Variants in LRBA observed in about 807,000 individuals in gnomAD.
LRBA encodes LPS responsive beige-like anchor protein, also known as lipopolysaccharide-responsive and beige-like anchor protein.
A neutral mutation model predicts 330.0 loss-of-function variants in LRBA; 176 were observed. The observed-to-expected ratio is 0.53, with a 90% CI of 0.47 to 0.60. The LOEUF (loss-of-function observed/expected upper bound fraction) is 0.60, where lower values mean the gene tolerates loss of function less well. LRBA is among the 20% of genes least tolerant of loss of function. The probability of loss-of-function intolerance (pLI) is 0.00; values close to 1 mark genes in which losing one functional copy is unlikely to be tolerated. For synonymous variants in LRBA, 1,230 were observed against 1,193.0 expected, an observed-to-expected ratio of 1.03 and a Z score of -0.64; for missense variants, 3,259 against 3,444.8, an observed-to-expected ratio of 0.95 and a Z score of 1.35.
chr4:150,288,922 T>C (rs1748519118), intron 53 of LRBA, among the ~76,000 whole-genome samples: 1 of 152,042 alleles, frequency 6.6e-6, no homozygotes, highest in Admixed American at 6.6e-5. Flanking sequence ...AATGAAGGCA[T>C]TCTAAGTATA....
intron 34 of LRBA, among the ~76,000 whole-genome samples, chr4:150,793,069 A>G (rs1429962615): frequency 6.6e-6 from 1 of 151,766 alleles, no homozygotes; most frequent in Non-Finnish European, 1.5e-5. Flanking sequence ...GACAAGAGCG[A>G]AACTCCATCT....
intron 2 of LRBA, among the ~76,000 whole-genome samples, chr4:150,934,785 A>G (rs1615230): frequency 0.13 from 20,108 of 151,858 alleles, 2,066 homozygotes; most frequent in African/African-American, 0.27. Context: ...GAGGCGGGCA[A>G]ATTACCTGAG....
chr4:150,875,500 G>T (rs1214624608), intron 17 of LRBA, among the ~76,000 whole-genome samples: 2 of 152,182 alleles, frequency 1.3e-5, no homozygotes, highest in East Asian at 3.9e-4. Flanking sequence ...CTAAACAAGG[G>T]TCAAGTATAT....
intron 42 of LRBA, among the ~76,000 whole-genome samples, chr4:150,480,154 C>T (rs1425155264): frequency 6.6e-6 from 1 of 152,024 alleles, no homozygotes; most frequent in East Asian, 1.9e-4. Context: ...TCAATACCTA[C>T]TATGAAAGGA....
intron 37 of LRBA, among the ~76,000 whole-genome samples, chr4:150,600,098 A>G (rs904517925): frequency 2.0e-5 from 3 of 152,112 alleles, no homozygotes; most frequent in African/African-American, 4.8e-5. Context: ...AGCATGCTGG[A>G]AAAATATTTT....
At chr4:150,765,319 C>T (rs1735621236) in intron 34 of LRBA, among the ~76,000 whole-genome samples, 1 of 152,026 alleles carries the variant, frequency 6.6e-6, no homozygotes. Flanking sequence ...CTGCATGAAA[C>T]TATAATGATG....
At chr4:150,480,243 C>A (rs1372222501) in intron 42 of LRBA, among the ~76,000 whole-genome samples, 1 of 152,026 alleles carries the variant, frequency 6.6e-6, no homozygotes, top group African/African-American at 2.4e-5. Context: ...CTCCCAATAC[C>A]CTATACCATG....
In LRBA at chr4:150,264,729, C is replaced by T. The variant is rs1745090322; in HGVS notation, c.*993G>A. 3 of 152,762 alleles carry T rather than the reference C, an allele frequency of 2.0e-5. No homozygotes were observed. The highest frequency in any genetic ancestry group is 7.2e-5 in the African/African-American group (3 of 41,584). The allele number at this position is 152,762 out of a possible 1,614,324, so 9.5% of individuals were successfully genotyped here. ...CAAATATTTTTCACAGAATTCCACA[C>T]AGTAATCTACTAGAAAAGTAGAATT... is the stretch of plus-strand genomic sequence containing the variant. On this transcript the variant is annotated 3_prime_UTR_variant, in exon 57 of 57. Transcript: ENST00000651943.
chr4:150,346,775 A>AAAAACAAAAAAAAAAAAAAC (rs1736400361), intron 48 of LRBA, among the ~76,000 whole-genome samples: 9 of 147,812 alleles, frequency 6.1e-5, no homozygotes, highest in African/African-American at 2.6e-5. Flanking sequence ...AAAAAAAAAA[A>AAAAACAAAAAAAAAAAAAAC]AAAAAAAAAA....
chr4:150,765,498 T>A (rs1029863692), intron 34 of LRBA, among the ~76,000 whole-genome samples: 1 of 151,972 alleles, frequency 6.6e-6, no homozygotes, highest in Non-Finnish European at 1.5e-5. Flanking sequence ...AGGCTATGAG[T>A]GTGTAGGGGA....
chr4:150,491,819 G>C (rs187091233), intron 40 of LRBA, among the ~76,000 whole-genome samples: 210 of 152,196 alleles, frequency 1.4e-3, no homozygotes, highest in African/African-American at 4.8e-3. Context: ...CATTTCAAAA[G>C]CTTAATTGTG....
chr4:150,922,850 A>G (rs1315933495), intron 4 of LRBA, among the ~76,000 whole-genome samples: 1 of 152,184 alleles, frequency 6.6e-6, no homozygotes, highest in Non-Finnish European at 1.5e-5. Flanking sequence ...TAACCACCCT[A>G]TGGGATGGTA....
At chr4:150,616,011 A>G (rs1775740625) in intron 37 of LRBA, among the ~76,000 whole-genome samples, 1 of 152,176 alleles carries the variant, frequency 6.6e-6, no homozygotes, top group Non-Finnish European at 1.5e-5. Flanking sequence ...ACATGTTATA[A>G]AATTTATATG....
chr4:150,730,780 G>A lies in LRBA; in HGVS notation c.5754+4478C>T, dbSNP rs142342795. Among the ~76,000 whole-genome samples, 314 of 152,088 alleles carry A rather than the reference G, an allele frequency of 2.1e-3. 3 individuals carry two copies. The highest frequency in any genetic ancestry group is 7.2e-3 in the African/African-American group (299 of 41,494). On this transcript the variant is annotated intron_variant, in intron 36 of 56. Transcript: ENST00000651943. ...CACCTGTAATCTCAGCACTTTGGGAGGCTGATGAAGGCAGATCACTTGAGG... is the reference window on the plus strand; with the variant it reads ...CACCTGTAATCTCAGCACTTTGGGAAGCTGATGAAGGCAGATCACTTGAGG...
rs559534364 is a variant in LRBA, at chr4:150,660,464, G to C, written c.5921+23087C>G. ...GCCCCTCTGCCCGGCCAGCCGCCCC[G>C]TCCGGGAGGGAGGTGGGGGGGGTCA... On this transcript the variant is annotated intron_variant, in intron 37 of 56. Coordinates refer to ENST00000651943, the MANE Select transcript of LRBA (RefSeq NM_001364905.1). Among the ~76,000 whole-genome samples, 703 of 149,326 alleles carry C rather than the reference G, an allele frequency of 4.7e-3. 1 individual carries two copies. The highest frequency in any genetic ancestry group is 0.04 in the Admixed American group (590 of 14,698).
intron 37 of LRBA, among the ~76,000 whole-genome samples, chr4:150,663,871 A>G (rs566873639): frequency 1.3e-5 from 2 of 152,374 alleles, no homozygotes; most frequent in Admixed American, 6.5e-5. Context: ...GCAATGGCTG[A>G]TAAAGTACTT....
At chr4:150,909,982 C>A (rs893473326) in intron 9 of LRBA, among the ~76,000 whole-genome samples, 1 of 152,068 alleles carries the variant, frequency 6.6e-6, no homozygotes, top group Non-Finnish European at 1.5e-5. Context: ...CTACTCAACT[C>A]TTTTATGCAT....
chr4:150,395,856 A>G (rs974052180), intron 47 of LRBA, among the ~76,000 whole-genome samples: 4 of 152,172 alleles, frequency 2.6e-5, no homozygotes, highest in Admixed American at 2.6e-4. Flanking sequence ...TTTTTAATCA[A>G]TTGCTATTTA....
At chr4:150,490,870 A>T (rs1216263481) in intron 41 of LRBA, 48 bp downstream of exon 41, 1 of 1,077,132 alleles carries the variant, frequency 9.3e-7, no homozygotes, top group African/African-American at 1.6e-5. Flanking sequence ...TGAAATCTTA[A>T]AGAGATGGAA....
Sources: allele counts gnomAD v4.1 joint callset (sites outside exome capture counted in the v4.1 genomes callset), GRCh38; gene constraint gnomAD v4.1.1; transcripts MANE v1.5; gene names NCBI Gene and HGNC (gene_info 2026-07-23, HGNC 2026-07-21).